The following NUTM2E variants were observed in gnomAD, a reference collection of about 807,000 sequenced individuals.
NUTM2E encodes NUT family member 2E, also known as family with sequence similarity 22, member E.
Under a neutral mutation model 26.1 loss-of-function variants are expected in NUTM2E, and 3 were observed. That is an observed-to-expected ratio of 0.12 (90% CI 0.05 to 0.30). The LOEUF (loss-of-function observed/expected upper bound fraction) is 0.30. Ranked by LOEUF, NUTM2E falls within the 10% of genes least tolerant of loss-of-function variation. NUTM2E has a pLI of 1.00. For missense variants in NUTM2E, 62 were observed against 381.3 expected, an observed-to-expected ratio of 0.16 and a Z score of 6.97; for synonymous variants, 13 against 157.5, an observed-to-expected ratio of 0.08 and a Z score of 6.87.
rs532711431 is a variant in NUTM2E at position 79,833,596 on chromosome 10, C to T, written c.-2727-4713C>T. ...AAGAAGGCATTTATGTGGCCAAAAA[C>T]GTGAAAAAAAGCTCATCATTACAGA... On this transcript the variant is annotated intron_variant, in intron 1 of 9. Transcript: ENST00000429984. Among the ~76,000 whole-genome samples, 511 of 151,576 alleles carry T rather than the reference C, an allele frequency of 3.4e-3. 3 individuals carry two copies. Among genetic ancestry groups the T allele is most frequent in the Middle Eastern group, 6.8e-3 (2 of 292 alleles).
intron 6 of NUTM2E, among the ~76,000 whole-genome samples, chr10:79,847,276 G>A (rs1354329074): frequency 1.7e-5 from 2 of 115,666 alleles, no homozygotes; most frequent in South Asian, 2.4e-4. Flanking sequence ...GAGAAGGGGC[G>A]CTAGTGACTA....
At chr10:79,828,685 A>G (rs7894634) in intron 1 of NUTM2E, among the ~76,000 whole-genome samples, 7,763 of 151,820 alleles carry the variant, frequency 0.051, 550 homozygotes, top group East Asian at 0.22. Flanking sequence ...AAAGAAAACT[A>G]CATAGGTGTT....
intron 1 of NUTM2E, among the ~76,000 whole-genome samples, chr10:79,834,395 A>G (rs1161915018): frequency 6.6e-6 from 1 of 151,760 alleles, no homozygotes; most frequent in East Asian, 1.9e-4. Flanking sequence ...CACCTTTTCT[A>G]GATATAAATT....
chr10:79,836,057 A>C (rs574836410), intron 1 of NUTM2E, among the ~76,000 whole-genome samples: 1 of 151,608 alleles, frequency 6.6e-6, no homozygotes, highest in Non-Finnish European at 1.5e-5. Context: ...TATGAAACAC[A>C]TTTGATTTAC....
intron 1 of NUTM2E, among the ~76,000 whole-genome samples, chr10:79,829,487 A>G (rs1422844365): frequency 6.6e-6 from 1 of 151,938 alleles, no homozygotes; most frequent in Non-Finnish European, 1.5e-5. Context: ...TATCAACCCA[A>G]TCAGCTGTGT....
Position 79,827,005 on chromosome 10 carries a change from A to ATGT in NUTM2E, c.-3080_-3079insTGT. 6.9e-5 allele frequency: 2 copies of ATGT among 29,056 alleles called. No individual in the cohort carries two copies. Among genetic ancestry groups the ATGT allele is most frequent in the African/African-American group, 1.6e-4 (2 of 12,576 alleles). The allele number at this position is 29,056 out of a possible 1,614,324, so 1.8% of individuals were successfully genotyped here. A position where few individuals can be genotyped will look rare whatever the true frequency, so the allele number is the denominator to read the frequency against. ...CTGTTCTCCCTAAGCACCCTCGCTCACGTCGCCTCGCCTCGCCTGACCGGC... is the reference window on the plus strand; with the variant it reads ...CTGTTCTCCCTAAGCACCCTCGCTCATGTCGTCGCCTCGCCTCGCCTGACCGGC... On this transcript the variant is annotated 5_prime_UTR_variant, in exon 1 of 10. The change creates a new upstream start codon in the 5' untranslated region. Coordinates refer to ENST00000429984, the MANE Select transcript of NUTM2E (RefSeq NM_001355263.2).
intron 1 of NUTM2E, among the ~76,000 whole-genome samples, chr10:79,834,592 C>T (rs1322187200): frequency 3.3e-5 from 5 of 149,892 alleles, no homozygotes; most frequent in South Asian, 2.1e-4. Context: ...CGCTTGAACC[C>T]GGGAGACAGA....
At chr10:79,837,100 G>A (rs1841968587) in intron 1 of NUTM2E, among the ~76,000 whole-genome samples, 1 of 151,944 alleles carries the variant, frequency 6.6e-6, no homozygotes, top group African/African-American at 2.4e-5. Context: ...GGGAGATGTA[G>A]CCTGGCAGGC....
In NUTM2E at chr10:79,838,980, C is replaced by T. The variant is rs1189650009; in HGVS notation, c.-2249C>T. On this transcript the variant is annotated 5_prime_UTR_variant, in exon 3 of 10. Transcript: ENST00000429984. ...AGGCCAGGAGCCCGCCCTAGGAGGG[C>T]CCCGCTGGAGATGTGGAAATGGAGG... Among the ~76,000 whole-genome samples the T allele has an allele frequency of 6.7e-6, 1 of 148,684 alleles. No homozygotes were observed. Among genetic ancestry groups the T allele is most frequent in the East Asian group, 2.0e-4 (1 of 4,948 alleles).
chr10:79,832,024 A>G (rs1425023487), intron 1 of NUTM2E, among the ~76,000 whole-genome samples: 982 of 150,560 alleles, frequency 6.5e-3, no homozygotes, highest in African/African-American at 0.024. Context: ...AGACTGAGAG[A>G]GAGAAAGAGA....
At chr10:79,836,426 A>G (rs1358101636) in intron 1 of NUTM2E, among the ~76,000 whole-genome samples, 2 of 151,930 alleles carry the variant, frequency 1.3e-5, no homozygotes, top group African/African-American at 4.8e-5. Context: ...TGAAGAAAAT[A>G]GCTTTTAAAT....
At chr10:79,834,761 GA>G (rs914252377) in intron 1 of NUTM2E, among the ~76,000 whole-genome samples, 22 of 148,380 alleles carry the variant, frequency 1.5e-4, no homozygotes, top group African/African-American at 5.4e-4. Flanking sequence ...TATTTCTTAA[GA>G]AAAAGATTGA....
At chr10:79,828,050 C>T (rs956144992) in intron 1 of NUTM2E, among the ~76,000 whole-genome samples, 9 of 151,562 alleles carry the variant, frequency 5.9e-5, no homozygotes, top group African/African-American at 2.2e-4. Flanking sequence ...CCACCTCGGC[C>T]TCCCAAAGTG....
At chr10:79,836,647 C>A (rs895628052) in intron 1 of NUTM2E, among the ~76,000 whole-genome samples, 1 of 151,890 alleles carries the variant, frequency 6.6e-6, no homozygotes, top group African/African-American at 2.4e-5. Context: ...GAACTCTTCA[C>A]ATCCACTACC....
intron 1 of NUTM2E, among the ~76,000 whole-genome samples, chr10:79,829,209 G>T (rs532913557): frequency 6.6e-6 from 1 of 151,640 alleles, no homozygotes; most frequent in Non-Finnish European, 1.5e-5. Flanking sequence ...GTGGGACAGG[G>T]GTGATATACT....
intron 1 of NUTM2E, among the ~76,000 whole-genome samples, chr10:79,834,991 C>G (rs891033561): frequency 4.0e-5 from 6 of 151,642 alleles, no homozygotes; most frequent in African/African-American, 9.7e-5. Flanking sequence ...ATTCATCCTT[C>G]CATTCAATCT....
chr10:79,833,453 A>C (rs998255817), intron 1 of NUTM2E, among the ~76,000 whole-genome samples: 31 of 151,290 alleles, frequency 2.0e-4, no homozygotes, highest in Middle Eastern at 6.9e-3. Context: ...AAAATTTTGC[A>C]ATCTATCCAT....
intron 6 of NUTM2E, 136 bp from the exon 7 acceptor site, chr10:79,847,795 G>A: frequency 2.5e-6 from 1 of 405,366 alleles, no homozygotes; most frequent in Non-Finnish European, 4.7e-6. Context: ...TCCTGGGACT[G>A]GGGGATGGGA....
chr10:79,832,978 A>G (rs1841936306), intron 1 of NUTM2E, among the ~76,000 whole-genome samples: 1 of 151,722 alleles, frequency 6.6e-6, no homozygotes, highest in Non-Finnish European at 1.5e-5. Context: ...GTGTTTGTAT[A>G]TGTATCTGCA....
Sources: allele counts gnomAD v4.1 joint callset (sites outside exome capture counted in the v4.1 genomes callset), GRCh38; gene constraint gnomAD v4.1.1; transcripts MANE v1.5; gene names NCBI Gene and HGNC (gene_info 2026-07-23, HGNC 2026-07-21).